The following RAB18 variants were observed in gnomAD, a reference collection of about 807,000 sequenced individuals.
RAB18 encodes the protein RAB18, member RAS oncogene family.
In RAB18, 10 loss-of-function variants were observed where a neutral mutation model predicts 28.5. That is an observed-to-expected ratio of 0.35 (90% confidence interval 0.22 to 0.60). The LOEUF is 0.60. RAB18 is among the 20% of genes least tolerant of loss of function. The pLI, the probability that RAB18 is intolerant of heterozygous loss-of-function variation, is 0.78. For synonymous variants in RAB18, 93 were observed against 86.9 expected (o/e 1.07, Z -0.39); for missense variants, 188 against 244.2 (o/e 0.77, Z 1.53).
At position 27,533,737 on chromosome 10, in the gene RAB18, T is replaced by G. The variant is rs923637028; in HGVS notation, c.262T>G (p.Tyr88Asp). The G allele has an allele frequency of 1.2e-6, 2 of 1,613,166 alleles. No homozygotes were observed. The highest frequency in any genetic ancestry group is 1.7e-6 in the Non-Finnish European group (2 of 1,179,566). ...YRGAQGVILV[Y>D]DVTRRDTFVK... ...ACAAATGACTCCTTTTATTTCAGTT[T>G]ATGATGTCACAAGAAGAGATACATT... Residue 88 changes from tyrosine to aspartate, a missense_variant and splice_region_variant, in exon 5 of 7, where the codon TAT (tyrosine) becomes GAT (aspartate). Physicochemically the swap from Tyr to Asp is radical, Grantham distance 160. Coordinates refer to ENST00000356940, the MANE Select transcript of RAB18 (RefSeq NM_021252.5).
At chr10:27,535,462 C>T (rs898989851) in intron 6 of RAB18, among the ~76,000 whole-genome samples, 1 of 152,026 alleles carries the variant, frequency 6.6e-6, no homozygotes, top group African/African-American at 2.4e-5. Flanking sequence ...AGGAAGAAAG[C>T]GTGTGTACTG....
intron 2 of RAB18, among the ~76,000 whole-genome samples, chr10:27,517,160 C>A (rs897556662): frequency 6.6e-6 from 1 of 152,084 alleles, no homozygotes. Context: ...TTCAGGAGTT[C>A]AAGAACAGCC....
At position 27,530,420 on chromosome 10, in the gene RAB18, C is replaced by CT. The variant is rs142078098; in HGVS notation, c.187-2075dup. Reference sequence around the variant, plus strand: ...GTCTTTTCAGTAATGGCTTTTCCTTCTTTTTTTTTTTTCTTTCTCTCTAAA... The same window carrying CT: ...GTCTTTTCAGTAATGGCTTTTCCTTCTTTTTTTTTTTTTCTTTCTCTCTAAA... On this transcript the variant is annotated intron_variant, in intron 3 of 6. Transcript: ENST00000356940. 7.8e-4 allele frequency among the ~76,000 whole-genome samples: 113 copies of CT among 145,148 alleles called. 1 individual carries two copies. Among genetic ancestry groups the CT allele is most frequent in the Middle Eastern group, 3.7e-3 (1 of 272 alleles).
rs1834933485 is a variant in RAB18, at chr10:27,537,920, G to A, written c.490G>A (p.Glu164Lys). 2.5e-6 allele frequency: 4 copies of A among 1,613,922 alleles called. No homozygotes were observed. Among genetic ancestry groups the A allele is most frequent in the Non-Finnish European group, 3.4e-6 (4 of 1,179,998 alleles). Residue 164 changes from glutamate (E) to lysine (K), a missense_variant, in exon 7 of 7, where the codon GAA becomes AAA. Glu to Lys is a moderately conservative substitution (Grantham distance 56, BLOSUM62 1). Coordinates refer to ENST00000356940, the MANE Select transcript of RAB18 (RefSeq NM_021252.5). ...TGATGGTGTACAATGTGCCTTTGAA[G>A]AACTTGTTGAAAAGATCATTCAGAC... ...TCDGVQCAFE[E>K]LVEKIIQTPG... is the part of the protein sequence containing the mutation.
At chr10:27,532,897 A>G (rs1334161090) in intron 4 of RAB18, among the ~76,000 whole-genome samples, 1 of 152,094 alleles carries the variant, frequency 6.6e-6, no homozygotes, top group Non-Finnish European at 1.5e-5. Context: ...TCAGCATATT[A>G]ATATTTGCTG....
chr10:27,528,740 T>C (rs905561910), intron 3 of RAB18, among the ~76,000 whole-genome samples: 2 of 152,078 alleles, frequency 1.3e-5, no homozygotes, highest in African/African-American at 2.4e-5. Context: ...GTCCAGTTAC[T>C]TTAGAATGTG....
intron 2 of RAB18, among the ~76,000 whole-genome samples, chr10:27,514,903 C>T: frequency 6.6e-6 from 1 of 152,024 alleles, no homozygotes; most frequent in Admixed American, 6.6e-5. Flanking sequence ...ACTGGAACTA[C>T]AGGCACGTGC....
chr10:27,530,676 T>G (rs1834770202), intron 3 of RAB18, among the ~76,000 whole-genome samples: 1 of 151,910 alleles, frequency 6.6e-6, no homozygotes, highest in Non-Finnish European at 1.5e-5. Flanking sequence ...ATGAAGAGCA[T>G]TTCTAGTTTC....
intron 3 of RAB18, 86 bp from the exon 4 acceptor site, chr10:27,532,421 A>T: frequency 1.0e-6 from 1 of 973,378 alleles, no homozygotes; most frequent in East Asian, 2.5e-5. Flanking sequence ...TATTTTTAGT[A>T]ATGCTGTTTG....
Position 27,541,207 on chromosome 10 carries a change from C to A in RAB18, c.*3156C>A. 2.2e-6 allele frequency: 1 copy of A among 454,030 alleles called. No homozygotes were observed. Among genetic ancestry groups the A allele is most frequent in the Non-Finnish European group, 4.4e-6 (1 of 226,776 alleles). The allele number at this position is 454,030 out of a possible 1,614,324, so 28.1% of individuals were successfully genotyped here. A position where few individuals can be genotyped will look rare whatever the true frequency, so the allele number is the denominator to read the frequency against. On this transcript the variant is annotated 3_prime_UTR_variant, in exon 7 of 7. Coordinates refer to ENST00000356940, the MANE Select transcript of RAB18 (RefSeq NM_021252.5). ...GCTTTCAGAAGACATTGTTCTGACTCCGACCCTGCCGTGTATACTCAACTA... is the reference window on the plus strand; with the variant it reads ...GCTTTCAGAAGACATTGTTCTGACTACGACCCTGCCGTGTATACTCAACTA...
chr10:27,520,441 C>T (rs990137389), intron 2 of RAB18, among the ~76,000 whole-genome samples: 1 of 151,654 alleles, frequency 6.6e-6, no homozygotes, highest in African/African-American at 2.4e-5. Flanking sequence ...TAAGAAAAAA[C>T]AACTTTGGTT....
At chr10:27,523,463 T>A (rs1479377794) in intron 2 of RAB18, among the ~76,000 whole-genome samples, 1 of 152,030 alleles carries the variant, frequency 6.6e-6, no homozygotes, top group Non-Finnish European at 1.5e-5. Flanking sequence ...TGATGGTCTC[T>A]CATTTTCTTT....
rs758737606 is a variant in RAB18, at chr10:27,504,332, C to T, written c.-38C>T. 2.7e-5 allele frequency: 42 copies of T among 1,557,432 alleles called. No homozygotes were observed. Among genetic ancestry groups the T allele is most frequent in the Admixed American group, 7.8e-5 (4 of 51,496 alleles). On this transcript the variant is annotated 5_prime_UTR_variant, in exon 1 of 7. Coordinates refer to ENST00000356940, the MANE Select transcript of RAB18 (RefSeq NM_021252.5). ...CTGCTGAAGGGCTGAGAGGCGCACC[C>T]GGGCGGCCAGCTGGGCTCGGAGCGG... is the stretch of plus-strand genomic sequence containing the variant.
chr10:27,506,561 A>G (rs1318194014), intron 1 of RAB18, among the ~76,000 whole-genome samples: 1 of 152,022 alleles, frequency 6.6e-6, no homozygotes, highest in African/African-American at 2.4e-5. Flanking sequence ...AGCTCAACAG[A>G]TCCTCCTGCC....
intron 2 of RAB18, among the ~76,000 whole-genome samples, chr10:27,525,282 TC>T (rs1403696191): frequency 6.6e-6 from 1 of 152,170 alleles, no homozygotes; most frequent in African/African-American, 2.4e-5. Flanking sequence ...CTTTATATAC[TC>T]CCTGAAAAAC....
In RAB18 at chr10:27,540,695, A is replaced by G. The variant is rs1360909833; in HGVS notation, c.*2644A>G. On this transcript the variant is annotated 3_prime_UTR_variant, in exon 7 of 7. Coordinates refer to ENST00000356940, the MANE Select transcript of RAB18 (RefSeq NM_021252.5). The stretch of plus-strand genomic sequence containing the variant: ...GTACCTTCACTTTTTATGTGAGAAT[A>G]GAAATTATGGAAACAGTAATTTGCT... The G allele has an allele frequency of 4.4e-6, 2 of 453,990 alleles. No individual in the cohort carries two copies. Among genetic ancestry groups the G allele is most frequent in the African/African-American group, 4.0e-5 (2 of 50,010 alleles). 28.1% of individuals were successfully genotyped at this position (453,990 alleles called of 1,614,324 possible).
At position 27,539,577 on chromosome 10, in the gene RAB18, A is replaced by C; in HGVS notation, c.*1526A>C. ...AGAAATTTGGAGAAAGAACACTAAC[A>C]CATGTACTTGTGATTTGTTCATGTT... On this transcript the variant is annotated 3_prime_UTR_variant, in exon 7 of 7. Coordinates refer to ENST00000356940, the MANE Select transcript of RAB18 (RefSeq NM_021252.5). The C allele has an allele frequency of 2.3e-6, 1 of 434,098 alleles. No homozygotes were observed. The highest frequency in any genetic ancestry group is 1.7e-5 in the South Asian group (1 of 59,412). 26.9% of individuals were successfully genotyped at this position (434,098 alleles called of 1,614,324 possible).
At chr10:27,524,724 A>C (rs1834637803) in intron 2 of RAB18, among the ~76,000 whole-genome samples, 1 of 152,248 alleles carries the variant, frequency 6.6e-6, no homozygotes, top group African/African-American at 2.4e-5. Context: ...GGCAAAATCA[A>C]ATCTCTCAAA....
chr10:27,534,074 T>C (rs1323494998), intron 6 of RAB18, 80 bp downstream of exon 6: 21 of 1,320,672 alleles, frequency 1.6e-5, no homozygotes, highest in Non-Finnish European at 2.1e-5. Context: ...TTTATTTCTT[T>C]ATGAACCATA....
Sources: gnomAD v4.1 joint callset for allele counts (sites outside exome capture counted in the v4.1 genomes callset) on GRCh38, gnomAD v4.1.1 for gene constraint, MANE v1.5 for transcripts, NCBI Gene and HGNC (gene_info 2026-07-23, HGNC 2026-07-21) for gene names.